The following ANKRD30A variants were observed in gnomAD, a reference collection of about 807,000 sequenced individuals.
ANKRD30A encodes ankyrin repeat domain 30A, also known as ankyrin repeat domain-containing protein 30A.
Under a neutral mutation model 166.3 loss-of-function variants are expected in ANKRD30A, and 170 were observed. That is an observed-to-expected ratio of 1.02 (90% CI 0.90 to 1.16). The LOEUF (loss-of-function observed/expected upper bound fraction) is 1.16. Among genes scored for constraint, ANKRD30A ranks in the 50% most tolerant of loss-of-function variants. ANKRD30A has a pLI of 0.00. For synonymous variants in ANKRD30A, 564 were observed against 508.9 expected, an observed-to-expected ratio of 1.11 and a Z score of -1.46; for missense variants, 1,630 against 1,518.0, an observed-to-expected ratio of 1.07 and a Z score of -1.23.
chr10:37,250,897 T>A, the ANKRD30A span, among the ~76,000 whole-genome samples: 5 of 152,178 alleles, frequency 3.3e-5, no homozygotes. Context: ...TTCCTCTCAC[T>A]TTCCCTATCC....
At chr10:37,196,093 ATTTTTTTTTT>A (rs749036981) in intron 27 of ANKRD30A, among the ~76,000 whole-genome samples, 1 of 129,458 alleles carries the variant, frequency 7.7e-6, no homozygotes, top group Admixed American at 8.2e-5. Flanking sequence ...TATATTTTCT[ATTTTTTTTTT>A]TTTTTTTTTG....
At chr10:37,179,518 G>A (rs1235723059) in intron 24 of ANKRD30A, among the ~76,000 whole-genome samples, 3 of 150,860 alleles carry the variant, frequency 2.0e-5, no homozygotes, top group Non-Finnish European at 4.5e-5. Flanking sequence ...CATATTCCAA[G>A]TATATGGGTA....
At chr10:37,223,822 A>C (rs1343223971) in intron 34 of ANKRD30A, among the ~76,000 whole-genome samples, 1 of 151,236 alleles carries the variant, frequency 6.6e-6, no homozygotes, top group Non-Finnish European at 1.5e-5. Context: ...TCTTTAAAAG[A>C]CTGAAGATAG....
chr10:37,151,058 G>T (rs200412184), intron 11 of ANKRD30A, among the ~76,000 whole-genome samples: 5,251 of 81,206 alleles, frequency 0.065, 333 homozygotes, highest in African/African-American at 0.074. Flanking sequence ...GAACATTAGG[G>T]ATGCTAAGAT....
chr10:37,200,777 A>T (rs531371250), intron 30 of ANKRD30A, among the ~76,000 whole-genome samples: 1 of 152,194 alleles, frequency 6.6e-6, no homozygotes, highest in South Asian at 2.1e-4. Context: ...AGACTCTAAA[A>T]GTTCTCTTCA....
chr10:37,149,829 A>G lies in ANKRD30A; in HGVS notation c.1625A>G (p.Asn542Ser), dbSNP rs1332978695. ...SVPNKAFELK[N>S]EQTLRADPMF... Reference sequence around the variant, plus strand: ...CCAAATAAAGCCTTTGAATTGAAGAATGAACAAACATTGAGAGCAGGTAAA... The same window carrying G: ...CCAAATAAAGCCTTTGAATTGAAGAGTGAACAAACATTGAGAGCAGGTAAA... Residue 542 changes from asparagine (N) to serine (S), a missense_variant, in exon 11 of 36, where the codon AAT becomes AGT. Coordinates refer to ENST00000361713, the MANE Select transcript of ANKRD30A (RefSeq NM_052997.3). The G allele has an allele frequency of 9.3e-6, 15 of 1,612,714 alleles. No homozygotes were observed. Among genetic ancestry groups the G allele is most frequent in the Non-Finnish European group, 1.3e-5 (15 of 1,179,114 alleles).
Position 37,135,592 on chromosome 10 carries a change from T to C in ANKRD30A, c.756-1015T>C, listed in dbSNP as rs573766885. On this transcript the variant is annotated intron_variant, in intron 5 of 35. Transcript: ENST00000361713. ...TCTTTGTGGAACTTACAAAAAACAG[T>C]GGTGGGTTTTGTCTTCCACAGCAGC... Among the ~76,000 whole-genome samples the C allele has an allele frequency of 3.3e-5, 5 of 152,234 alleles. No homozygotes were observed. The East Asian group carries it at 9.7e-4, about 29-fold the overall frequency.
chr10:37,165,755 C>G (rs1164043455), intron 18 of ANKRD30A, among the ~76,000 whole-genome samples: 1 of 152,094 alleles, frequency 6.6e-6, no homozygotes, highest in African/African-American at 2.4e-5. Context: ...ACAAATAGAA[C>G]TCCTTGAGTC....
At chr10:37,230,124 T>C (rs1843353902) in intron 34 of ANKRD30A, among the ~76,000 whole-genome samples, 1 of 151,950 alleles carries the variant, frequency 6.6e-6, no homozygotes, top group African/African-American at 2.4e-5. Context: ...ATCTGAACTC[T>C]CCAAAATGAA....
At chr10:37,252,618 T>G in the ANKRD30A span, among the ~76,000 whole-genome samples, 3 of 152,148 alleles carry the variant, frequency 2.0e-5, no homozygotes, top group Non-Finnish European at 4.4e-5. Context: ...GTTATCTTTT[T>G]TAGTCTTTGG....
chr10:37,135,420 A>G (rs907363934), intron 5 of ANKRD30A: 1 of 152,232 alleles, frequency 6.6e-6, no homozygotes, highest in Non-Finnish European at 1.5e-5. Flanking sequence ...AATGTGTGAC[A>G]CCAAGTATTG....
chr10:37,265,815 G>A, the ANKRD30A span, among the ~76,000 whole-genome samples: 7 of 152,230 alleles, frequency 4.6e-5, no homozygotes, highest in Admixed American at 2.0e-4. Flanking sequence ...TTAGGGGCAG[G>A]TCTGGGCATG....
the ANKRD30A span, among the ~76,000 whole-genome samples, chr10:37,237,608 G>GA: frequency 4.9e-4 from 74 of 150,124 alleles, no homozygotes; most frequent in African/African-American, 1.6e-3. Flanking sequence ...TATTTAAAAA[G>GA]AAAAAAAAAG....
At position 37,192,728 on chromosome 10, in the gene ANKRD30A, G is replaced by T. The variant is rs1360580542; in HGVS notation, c.2513-336G>T. On this transcript the variant is annotated intron_variant, in intron 25 of 35. Coordinates refer to ENST00000361713, the MANE Select transcript of ANKRD30A (RefSeq NM_052997.3). ...GTTTTGGTGGGGTGTGGCATGACTT[G>T]GTCATCTTATTAAATACAACTTCTT... 2.0e-5 allele frequency among the ~76,000 whole-genome samples: 3 copies of T among 151,838 alleles called. 1 individual carries two copies. Among genetic ancestry groups the T allele is most frequent in the African/African-American group, 7.3e-5 (3 of 41,276 alleles).
At chr10:37,209,029 T>G (rs1425233689) in intron 31 of ANKRD30A, among the ~76,000 whole-genome samples, 2 of 152,198 alleles carry the variant, frequency 1.3e-5, no homozygotes, top group Non-Finnish European at 2.9e-5. Context: ...CTCTTTTGAG[T>G]CCTTAGTAAT....
chr10:37,189,836 T>C (rs572839132), intron 25 of ANKRD30A, among the ~76,000 whole-genome samples: 38 of 151,126 alleles, frequency 2.5e-4, no homozygotes, highest in African/African-American at 8.8e-4. Context: ...ATAGAGTAAA[T>C]GAAGACTGAG....
chr10:37,142,390 A>C, intron 7 of ANKRD30A, 100 bp downstream of exon 7: 1 of 1,126,492 alleles, frequency 8.9e-7, no homozygotes, highest in East Asian at 2.5e-5. Context: ...TTGAATATCT[A>C]AATAAGGCGA....
At chr10:37,139,322 A>C (rs1368812252) in intron 6 of ANKRD30A, among the ~76,000 whole-genome samples, 1 of 152,190 alleles carries the variant, frequency 6.6e-6, no homozygotes, top group East Asian at 1.9e-4. Flanking sequence ...AGATGCTGTA[A>C]AGAGTCAGCA....
intron 34 of ANKRD30A, 133 bp downstream of exon 34, chr10:37,220,030 A>ATATATATATATAT (rs1842831122): frequency 6.8e-6 from 1 of 147,472 alleles, no homozygotes; most frequent in Non-Finnish European, 1.2e-5. Flanking sequence ...TATATATATA[A>ATATATATATATAT]TATATGTATG....
Sources: allele counts gnomAD v4.1 joint callset (sites outside exome capture counted in the v4.1 genomes callset), GRCh38; gene constraint gnomAD v4.1.1; transcripts MANE v1.5; gene names NCBI Gene and HGNC (gene_info 2026-07-23, HGNC 2026-07-21).